The following IQSEC3 variants were observed in gnomAD, a reference collection of about 807,000 sequenced individuals.
The protein encoded by IQSEC3 is IQ motif and Sec7 domain ArfGEF 3.
IQSEC3 carries 50 observed loss-of-function variants against 105.4 expected under a neutral mutation model. The observed-to-expected ratio is 0.47, with a 90% CI of 0.38 to 0.60. The LOEUF (loss-of-function observed/expected upper bound fraction) is 0.60. Ranked by LOEUF, IQSEC3 falls within the 20% of genes least tolerant of loss-of-function variation. The probability of loss-of-function intolerance (pLI) is 0.00; values close to 1 mark genes in which losing one functional copy is unlikely to be tolerated. For missense variants in IQSEC3, 1,415 were observed against 1,630.0 expected, an observed-to-expected ratio of 0.87 and a Z score of 2.27; for synonymous variants, 708 against 746.0, an observed-to-expected ratio of 0.95 and a Z score of 0.83.
intron 1 of IQSEC3, among the ~76,000 whole-genome samples, chr12:68,668 T>A (rs1555066678): frequency 2.0e-5 from 3 of 152,272 alleles, no homozygotes; most frequent in African/African-American, 7.2e-5. Flanking sequence ...CATAAGGGAA[T>A]GGGGAGGGGG....
chr12:122,198 C>A (rs1555082073), intron 2 of IQSEC3, among the ~76,000 whole-genome samples: 1 of 152,194 alleles, frequency 6.6e-6, no homozygotes, highest in Non-Finnish European at 1.5e-5. Flanking sequence ...CTGGGTCCAC[C>A]AGCCAGAGAG....
chr12:174,489 G>A (rs1222847794), intron 13 of IQSEC3, 110 bp from the exon 14 acceptor site: 1 of 1,019,280 alleles, frequency 9.8e-7, no homozygotes, highest in Non-Finnish European at 1.4e-6. Context: ...GAGGGTCAGA[G>A]TGAGGGCTGA....
At chr12:100,257 G>A (rs1373369562) in intron 2 of IQSEC3, among the ~76,000 whole-genome samples, 1 of 152,172 alleles carries the variant, frequency 6.6e-6, no homozygotes, top group African/African-American at 2.4e-5. Context: ...GTCCCTGAAG[G>A]ATGAGAGGAG....
intron 5 of IQSEC3, chr12:143,381 G>A (rs1488257300): frequency 6.5e-6 from 1 of 152,920 alleles, no homozygotes; most frequent in Non-Finnish European, 1.5e-5. Context: ...GCTTTGGCAG[G>A]ACACCTCTCT....
chr12:120,322 G>A (rs1215300852), intron 2 of IQSEC3, among the ~76,000 whole-genome samples: 5 of 152,182 alleles, frequency 3.3e-5, no homozygotes, highest in African/African-American at 9.7e-5. Context: ...CGGGATGGTG[G>A]CCTGAGAGGG....
intron 1 of IQSEC3, among the ~76,000 whole-genome samples, chr12:68,519 G>A (rs1325319491): frequency 6.6e-6 from 1 of 152,234 alleles, no homozygotes; most frequent in African/African-American, 2.4e-5. Context: ...AAGTGTCTGG[G>A]ATGTTCTCTC....
intron 1 of IQSEC3, among the ~76,000 whole-genome samples, chr12:97,299 T>C (rs1270137348): frequency 6.6e-6 from 1 of 152,256 alleles, no homozygotes; most frequent in Non-Finnish European, 1.5e-5. Context: ...TAGTCTATCA[T>C]GTGTCTTTTG....
At chr12:87,517 G>T (rs1230317482) in intron 1 of IQSEC3, among the ~76,000 whole-genome samples, 1 of 152,132 alleles carries the variant, frequency 6.6e-6, no homozygotes, top group Non-Finnish European at 1.5e-5. Flanking sequence ...CTAGGCCTCT[G>T]GGGGAAGAAC....
intron 9 of IQSEC3, among the ~76,000 whole-genome samples, chr12:163,916 C>G (rs1431281888): frequency 2.6e-5 from 4 of 152,120 alleles, no homozygotes; most frequent in African/African-American, 9.7e-5. Context: ...CTCCACGTTA[C>G]AGGAAGCCCA....
At position 138,611 on chromosome 12, in the gene IQSEC3, G is replaced by A. The variant is rs148393504; in HGVS notation, c.1248G>A (p.Ala416=). The A allele has an allele frequency of 3.1e-6, 5 of 1,588,540 alleles. No homozygotes were observed. The highest frequency in any genetic ancestry group is 4.3e-6 in the Non-Finnish European group (5 of 1,175,042). Residue 416 remains alanine (A), a synonymous_variant, in exon 4 of 14, where the codon GCG becomes GCA. Coordinates refer to ENST00000538872, the MANE Select transcript of IQSEC3 (RefSeq NM_001170738.2). This position sits in a 1 kb window ranked among gnomAD's most constrained non-coding sequence, Gnocchi z 7.1. Reference sequence around the variant, plus strand: ...CCCTGGCCAAGTCCATCGACGACGCGCTCAGCACGTGGAGCCTCAAGACCA... The same window carrying A: ...CCCTGGCCAAGTCCATCGACGACGCACTCAGCACGTGGAGCCTCAAGACCA... ...VQSLAKSIDD[A]LSTWSLKTMC... is the part of the protein sequence containing the mutation.
intron 5 of IQSEC3, among the ~76,000 whole-genome samples, chr12:147,377 C>T (rs782715364): frequency 2.0e-5 from 3 of 152,162 alleles, no homozygotes; most frequent in Admixed American, 6.5e-5. Context: ...ATCTTCACAG[C>T]GACTCCGGGA....
chr12:156,822 G>A (rs1281023680), intron 5 of IQSEC3, among the ~76,000 whole-genome samples: 1 of 152,154 alleles, frequency 6.6e-6, no homozygotes, highest in East Asian at 1.9e-4. Context: ...AGCCTCTCCT[G>A]GCCTCAGGGT....
At chr12:108,593 C>G (rs558102913) in intron 2 of IQSEC3, among the ~76,000 whole-genome samples, 2 of 152,330 alleles carry the variant, frequency 1.3e-5, no homozygotes, top group African/African-American at 4.8e-5. Context: ...CAGTTATGGT[C>G]TGATACCTGC....
At chr12:127,379 C>T (rs369391660) in intron 3 of IQSEC3, among the ~76,000 whole-genome samples, 9 of 152,202 alleles carry the variant, frequency 5.9e-5, no homozygotes, top group African/African-American at 1.7e-4. Flanking sequence ...ATTAGCCAGG[C>T]GTGGTGGCGC....
At chr12:159,457 C>G (rs1866811559) in intron 7 of IQSEC3, among the ~76,000 whole-genome samples, 1 of 152,216 alleles carries the variant, frequency 6.6e-6, no homozygotes, top group East Asian at 1.9e-4. Flanking sequence ...TGAGAACTTG[C>G]ATTTCTGAAT....
intron 4 of IQSEC3, 105 bp downstream of exon 4, chr12:139,459 C>T (rs953509649): frequency 3.2e-6 from 3 of 951,174 alleles, no homozygotes; most frequent in African/African-American, 1.7e-5. Flanking sequence ...TAACTTCCCA[C>T]GTCATGCCAG....
chr12:165,091 G>A (rs1867103568), intron 9 of IQSEC3, among the ~76,000 whole-genome samples: 1 of 152,196 alleles, frequency 6.6e-6, no homozygotes, highest in East Asian at 1.9e-4. Context: ...TGTATGCGAG[G>A]GGCCCACAGT....
In IQSEC3 at chr12:118,358, G is replaced by A. The variant is rs191154785; in HGVS notation, c.624-7275G>A. ...TGTGCTCGGTGCCTTTATTCTGCCC[G>A]TCTGAGATCACCATATTGATTCAAA... On this transcript the variant is annotated intron_variant, in intron 2 of 13. Coordinates refer to ENST00000538872, the MANE Select transcript of IQSEC3 (RefSeq NM_001170738.2). Among the ~76,000 whole-genome samples, 18 of 150,992 alleles carry A rather than the reference G, an allele frequency of 1.2e-4. No individual in the cohort carries two copies. The East Asian group carries it at 1.3e-3, about 11-fold the overall frequency.
chr12:163,771 C>T, intron 9 of IQSEC3, 152 bp downstream of exon 9: 1 of 689,750 alleles, frequency 1.4e-6, no homozygotes, highest in South Asian at 1.9e-5. Context: ...CTTCATGGTG[C>T]TTTCACACCG....
Sources: allele counts gnomAD v4.1 joint callset (sites outside exome capture counted in the v4.1 genomes callset), GRCh38; gene constraint gnomAD v4.1.1; non-coding constraint Gnocchi (gnomAD v3.1); transcripts MANE v1.5; gene names NCBI Gene and HGNC (gene_info 2026-07-23, HGNC 2026-07-21).